The following KIF13B variants were observed in gnomAD, a reference collection of about 807,000 sequenced individuals.
KIF13B encodes kinesin-like protein KIF13B.
A neutral mutation model predicts 222.0 loss-of-function variants in KIF13B; 127 were observed. The ratio of observed to expected loss-of-function variants is 0.57; its 90% CI spans 0.50 to 0.66. KIF13B has a LOEUF of 0.66. KIF13B is among the 30% of genes least tolerant of loss of function. The pLI is 0.00. For missense variants in KIF13B, 2,173 were observed against 2,379.0 expected (o/e 0.91, Z 1.80); for synonymous variants, 976 against 919.0 (o/e 1.06, Z -1.12).
chr8:29,070,318 C>A lies in KIF13B; in HGVS notation c.*186G>T. The A allele has an allele frequency of 1.5e-6, 1 of 648,062 alleles. No homozygotes were observed. The highest frequency in any genetic ancestry group is 2.6e-6 in the Non-Finnish European group (1 of 384,456). The allele number at this position is 648,062 out of a possible 1,614,324, so 40.1% of individuals were successfully genotyped here. On this transcript the variant is annotated 3_prime_UTR_variant, in exon 40 of 40. Transcript: ENST00000524189. The surrounding 1 kb of genome is among the most constrained non-coding windows in gnomAD (Gnocchi z 4.1). ...AGGCACAGTTGAGGCCCCCACTTTA[C>A]CCGGGTACAGAAGAAACAAAGCTTC... is the stretch of plus-strand genomic sequence containing the variant.
At chr8:29,107,750 C>G (rs145815431) in intron 35 of KIF13B, among the ~76,000 whole-genome samples, 1 of 151,852 alleles carries the variant, frequency 6.6e-6, no homozygotes, top group East Asian at 2.0e-4. Context: ...TTAGTAGAGA[C>G]GGGGTTTCAC....
chr8:29,127,037 T>G, intron 25 of KIF13B, 85 bp downstream of exon 25: 3 of 1,199,262 alleles, frequency 2.5e-6, no homozygotes, highest in Non-Finnish European at 3.5e-6. Flanking sequence ...GAAATGTTCA[T>G]AAAAAGTAGT....
chr8:29,138,980 GAC>G (rs1265867586), intron 21 of KIF13B, among the ~76,000 whole-genome samples: 2 of 152,204 alleles, frequency 1.3e-5, no homozygotes, highest in African/African-American at 4.8e-5. Flanking sequence ...ATCTTTTGGA[GAC>G]ACACACTGAA....
At chr8:29,178,302 T>C (rs1280587852) in intron 8 of KIF13B, among the ~76,000 whole-genome samples, 2 of 152,192 alleles carry the variant, frequency 1.3e-5, no homozygotes, top group Non-Finnish European at 2.9e-5. Context: ...CTGACCTTTA[T>C]ACAACAGAAG....
chr8:29,139,011 T>C (rs886238726), intron 21 of KIF13B, among the ~76,000 whole-genome samples: 5 of 152,090 alleles, frequency 3.3e-5, no homozygotes. Flanking sequence ...AGATAAGATA[T>C]GATGCTGGGG....
At position 29,200,265 on chromosome 8, in the gene KIF13B, T is replaced by C. The variant is rs972951748; in HGVS notation, c.150-4066A>G. On this transcript the variant is annotated intron_variant, in intron 2 of 39. Coordinates refer to ENST00000524189, the MANE Select transcript of KIF13B (RefSeq NM_015254.4). ...AATTAATTAATTAAACAACACCTTGTCAAAGTGTAGCTGCAATTCAATACA... is the reference window on the plus strand; with the variant it reads ...AATTAATTAATTAAACAACACCTTGCCAAAGTGTAGCTGCAATTCAATACA... Among the ~76,000 whole-genome samples, 3 of 152,250 alleles carry C rather than the reference T, an allele frequency of 2.0e-5. No individual in the cohort carries two copies. In the South Asian group the frequency reaches 6.2e-4, roughly 32 times the overall value.
chr8:29,080,963 G>T (rs188527460), intron 37 of KIF13B, among the ~76,000 whole-genome samples: 1 of 152,270 alleles, frequency 6.6e-6, no homozygotes, highest in Admixed American at 6.5e-5. Flanking sequence ...AACTACAGCT[G>T]GAGGGAGCTT....
chr8:29,099,267 T>C, intron 35 of KIF13B, 26 bp from the exon 36 acceptor site: 2 of 1,520,990 alleles, frequency 1.3e-6, no homozygotes, highest in Non-Finnish European at 1.8e-6. Flanking sequence ...TTGGCAATTT[T>C]GTTTCAAGTT....
intron 24 of KIF13B, among the ~76,000 whole-genome samples, chr8:29,130,194 G>T (rs1275729738): frequency 1.3e-5 from 2 of 152,082 alleles, no homozygotes; most frequent in Non-Finnish European, 2.9e-5. Context: ...AACACTAACA[G>T]AACTGGTTTT....
intron 21 of KIF13B, among the ~76,000 whole-genome samples, chr8:29,138,832 G>A (rs1810681091): frequency 6.6e-6 from 1 of 152,150 alleles, no homozygotes; most frequent in Admixed American, 6.5e-5. Context: ...GAGCATACCA[G>A]GGCCTAAAGA....
chr8:29,197,356 A>C (rs1271126720), intron 2 of KIF13B, among the ~76,000 whole-genome samples: 1 of 149,680 alleles, frequency 6.7e-6, no homozygotes, highest in Non-Finnish European at 1.5e-5. Context: ...AAAAAAAAAA[A>C]AAAAACTCAA....
intron 2 of KIF13B, among the ~76,000 whole-genome samples, chr8:29,217,630 G>C (rs1814545218): frequency 6.6e-6 from 1 of 152,218 alleles, no homozygotes; most frequent in South Asian, 2.1e-4. Context: ...TGAACAAAGA[G>C]AAAGAATTTC....
At chr8:29,139,228 A>T (rs1448906702) in intron 21 of KIF13B, among the ~76,000 whole-genome samples, 5 of 152,176 alleles carry the variant, frequency 3.3e-5, no homozygotes, top group Admixed American at 3.3e-4. Flanking sequence ...TATGACTTAG[A>T]ATGTACTACT....
chr8:29,206,592 C>A (rs992082224), intron 2 of KIF13B, among the ~76,000 whole-genome samples: 6 of 152,146 alleles, frequency 3.9e-5, no homozygotes, highest in Admixed American at 3.9e-4. Flanking sequence ...ATGGTTTTCA[C>A]CTTGAAATGT....
chr8:29,196,039 G>A (rs1284907568), intron 3 of KIF13B, 148 bp downstream of exon 3: 7 of 714,024 alleles, frequency 9.8e-6, no homozygotes, highest in Non-Finnish European at 1.6e-5. Context: ...CCAATAAATG[G>A]CTTCAGATTT....
In KIF13B at chr8:29,191,931, T is replaced by C. The variant is rs376992244; in HGVS notation, c.163-874A>G. On this transcript the variant is annotated intron_variant, in intron 3 of 39. Coordinates refer to ENST00000524189, the MANE Select transcript of KIF13B (RefSeq NM_015254.4). ...TTAAAATGTATCTCGGTTCACATTT[T>C]GTCACATTCTCCCACTTTGGGAGTC... 4.6e-5 allele frequency among the ~76,000 whole-genome samples: 7 copies of C among 152,372 alleles called. No individual in the cohort carries two copies. In the South Asian group the frequency reaches 8.3e-4, roughly 18 times the overall value.
Position 29,070,601 on chromosome 8 carries a change from G to A in KIF13B, c.5384C>T (p.Ser1795Leu), listed in dbSNP as rs772693486. Reference sequence around the variant, plus strand: ...CGAGGCCAGGTTGGTGGCGGAGCCCGAGAGGGTGGCGCTCCGGCGGGCCTC... The same window carrying A: ...CGAGGCCAGGTTGGTGGCGGAGCCCAAGAGGGTGGCGCTCCGGCGGGCCTC... ...APEARRSATL[S>L]GSATNLASLT... Residue 1795 changes from serine (S) to leucine (L), a missense_variant, in exon 40 of 40, where the codon TCG becomes TTG. By Grantham distance (145) the Ser-to-Leu change is moderately radical. Around this residue, in one of 2 missense-constraint regions of KIF13B, gnomAD observed 693 missense variants for 656.2 expected, o/e 1.06. Transcript: ENST00000524189. The surrounding 1 kb of genome is among the most constrained non-coding windows in gnomAD (Gnocchi z 4.1). 4.4e-6 allele frequency: 7 copies of A among 1,594,012 alleles called. No homozygotes were observed. Among genetic ancestry groups the A allele is most frequent in the South Asian group, 3.4e-5 (3 of 88,638 alleles).
intron 2 of KIF13B, among the ~76,000 whole-genome samples, chr8:29,204,797 T>G (rs1435954483): frequency 6.6e-6 from 1 of 152,130 alleles, no homozygotes; most frequent in Non-Finnish European, 1.5e-5. Flanking sequence ...GATTAAGATA[T>G]TCTTAGACTA....
chr8:29,148,553 C>T, intron 16 of KIF13B, 24 bp downstream of exon 16: 3 of 1,536,764 alleles, frequency 2.0e-6, no homozygotes, highest in Non-Finnish European at 2.6e-6. Context: ...AACTGATTCT[C>T]AAGTGCACGC....
Sources: gnomAD v4.1 joint callset for allele counts (sites outside exome capture counted in the v4.1 genomes callset) on GRCh38, gnomAD v4.1.1 for gene constraint, gnomAD v4.1.1 regional missense constraint, Gnocchi (gnomAD v3.1) non-coding constraint, MANE v1.5 for transcripts, NCBI Gene and HGNC (gene_info 2026-07-23, HGNC 2026-07-21) for gene names.